MYH16: variants seen among roughly 807,000 people sequenced by gnomAD.
MYH16 encodes myosin heavy chain 16, also known as putative uncharacterized protein MYH16.
At chr7:99,283,707 G>A (rs1792235796) in intron 24 of MYH16, 56 bp downstream of exon 6, 1 of 455,288 alleles carries the variant, frequency 2.2e-6, no homozygotes, top group Non-Finnish European at 4.4e-6. Flanking sequence ...CCCTCTGGGG[G>A]CACGGGGTCC....
intron 21 of MYH16, among the ~76,000 whole-genome samples, chr7:99,277,916 T>TGAGA (rs36065407): frequency 8.3e-5 from 11 of 132,322 alleles, no homozygotes; most frequent in South Asian, 2.5e-4. Context: ...TGTGTGTGTG[T>TGAGA]GAGAGAGAGA....
chr7:99,258,810 T>TAAA (rs56367655), intron 11 of MYH16, among the ~76,000 whole-genome samples: 1 of 147,230 alleles, frequency 6.8e-6, no homozygotes, highest in Non-Finnish European at 1.5e-5. Flanking sequence ...AGCTCACCAC[T>TAAA]AAAAAAAAAA....
chr7:99,254,932 T>G (rs986969389), intron 8 of MYH16, among the ~76,000 whole-genome samples: 5 of 151,878 alleles, frequency 3.3e-5, no homozygotes, highest in Non-Finnish European at 7.4e-5. Flanking sequence ...CCCAGGAGTT[T>G]GAGACCAGCC....
downstream of MYH16, among the ~76,000 whole-genome samples, chr7:99,308,448 T>C (rs764559228): frequency 2.6e-5 from 4 of 152,048 alleles, no homozygotes; most frequent in Non-Finnish European, 5.9e-5. Flanking sequence ...CAGCTCTGCC[T>C]TCCTGGTTCC....
chr7:99,309,036 AG>A (rs1792721029), downstream of MYH16, among the ~76,000 whole-genome samples: 1 of 152,198 alleles, frequency 6.6e-6, no homozygotes, highest in Non-Finnish European at 1.5e-5. Context: ...TTGTCAGGTG[AG>A]GAAAATGAGC....
intron 14 of MYH16, chr7:99,263,548 T>G (rs1791959100): frequency 6.6e-6 from 1 of 152,514 alleles, no homozygotes; most frequent in South Asian, 2.1e-4. Flanking sequence ...AACTCTTTGA[T>G]TCAACTCTTG....
chr7:99,286,973 A>G (rs1485402055), intron 28 of MYH16, among the ~76,000 whole-genome samples: 2 of 152,152 alleles, frequency 1.3e-5, no homozygotes, highest in Non-Finnish European at 2.9e-5. Flanking sequence ...AAACAGAAAG[A>G]GTTTGCTACT....
chr7:99,304,153 C>T (rs1182281438), intron 39 of MYH16, among the ~76,000 whole-genome samples: 5 of 152,140 alleles, frequency 3.3e-5, no homozygotes, highest in Admixed American at 6.6e-5. Context: ...GTCCGGCCCA[C>T]GGTAGACCCT....
intron 8 of MYH16, chr7:99,253,836 T>C: frequency 5.4e-6 from 1 of 185,128 alleles, no homozygotes; most frequent in Non-Finnish European, 1.2e-5. Flanking sequence ...GTAAAGACCT[T>C]TATGTCTATC....
intron 20 of MYH16, among the ~76,000 whole-genome samples, chr7:99,274,664 A>T (rs1299263647): frequency 6.8e-6 from 1 of 146,276 alleles, no homozygotes; most frequent in African/African-American, 2.6e-5. Flanking sequence ...CTTTACATTA[A>T]TTCACTTTTT....
intron 32 of MYH16, among the ~76,000 whole-genome samples, chr7:99,293,578 G>A (rs1390562473): frequency 6.6e-6 from 1 of 152,094 alleles, no homozygotes; most frequent in Non-Finnish European, 1.5e-5. Context: ...CTTTGCTCCT[G>A]TGTCCCCTTC....
At chr7:99,271,116 G>A (rs1251522349) in intron 19 of MYH16, 4 of 152,682 alleles carry the variant, frequency 2.6e-5, no homozygotes, top group East Asian at 1.9e-4. Context: ...AACACCGACA[G>A]GAAGGCCCAG....
chr7:99,291,662 A>G (rs1792381718), intron 31 of MYH16, among the ~76,000 whole-genome samples: 1 of 135,044 alleles, frequency 7.4e-6, no homozygotes. Context: ...CTACCAAAAT[A>G]AAAAATAAAA....
At chr7:99,271,138 G>C (rs1394637494) in intron 19 of MYH16, 1 of 152,650 alleles carries the variant, frequency 6.6e-6, no homozygotes, top group African/African-American at 2.4e-5. Flanking sequence ...GGAGCCACAC[G>C]CACTCAGGGC....
downstream of MYH16, among the ~76,000 whole-genome samples, chr7:99,310,011 C>A (rs1289760068): frequency 6.6e-6 from 1 of 151,240 alleles, no homozygotes; most frequent in East Asian, 1.9e-4. Flanking sequence ...GAGTGAGAGT[C>A]CGTCTCCAGA....
chr7:99,294,661 A>G (rs10274806), intron 33 of MYH16, among the ~76,000 whole-genome samples: 19,244 of 151,148 alleles, frequency 0.13, 3,598 homozygotes, highest in African/African-American at 0.41. Context: ...CACCTCCTGG[A>G]TTCAAGCAAT....
At chr7:99,241,900 A>AT (rs1791671849) in intron 1 of MYH16, among the ~76,000 whole-genome samples, 1 of 149,672 alleles carries the variant, frequency 6.7e-6, no homozygotes, top group African/African-American at 2.5e-5. Context: ...TTGCACTATC[A>AT]CCCAGGCTGG....
chr7:99,279,238 A>G (rs1440294535), intron 21 of MYH16, among the ~76,000 whole-genome samples: 1 of 151,500 alleles, frequency 6.6e-6, no homozygotes, highest in Non-Finnish European at 1.5e-5. Context: ...GTGTACCTGT[A>G]GCCTCAGCTA....
intron 22 of MYH16, 63 bp downstream of exon 4, chr7:99,279,800 G>C (rs1271526052): frequency 4.8e-6 from 2 of 418,374 alleles, no homozygotes; most frequent in Non-Finnish European, 9.5e-6. Flanking sequence ...CATACCTAAA[G>C]CCCCTATGGT....
Sources: gnomAD v4.1 joint callset for allele counts (sites outside exome capture counted in the v4.1 genomes callset) on GRCh38, gnomAD v4.1.1 for gene constraint, MANE v1.5 for transcripts, NCBI Gene and HGNC (gene_info 2026-07-23, HGNC 2026-07-21) for gene names.